Variants in TRIO observed in about 807,000 individuals in gnomAD.
The protein encoded by TRIO is triple functional domain protein.
Under a neutral mutation model 351.9 loss-of-function variants are expected in TRIO, and 58 were observed. The observed-to-expected ratio is 0.16, with a 90% CI of 0.13 to 0.21. The LOEUF (loss-of-function observed/expected upper bound fraction) is 0.21. Ranked by LOEUF, TRIO falls within the 10% of genes least tolerant of loss-of-function variation. TRIO has a pLI of 1.00. For missense variants in TRIO, 3,201 were observed against 4,027.8 expected, an observed-to-expected ratio of 0.79 and a Z score of 5.56; for synonymous variants, 1,758 against 1,595.7, an observed-to-expected ratio of 1.10 and a Z score of -2.42.
chr5:14,338,345 G>A (rs1366531373), intron 11 of TRIO, among the ~76,000 whole-genome samples: 8 of 152,164 alleles, frequency 5.3e-5, no homozygotes, highest in Admixed American at 3.3e-4. Context: ...GTCTTGTGCT[G>A]TGTCCTCCTC....
In TRIO at chr5:14,396,002, C is replaced by T. The variant is rs995951072; in HGVS notation, c.4312-1041C>T. On this transcript the variant is annotated intron_variant, in intron 28 of 56. Coordinates refer to ENST00000344204, the MANE Select transcript of TRIO (RefSeq NM_007118.4). ...CAGAGCTTGCAGTGAGCCGAGATCA[C>T]GCCATTGCACTCCAGCCTGGGCGAC... 1.1e-4 allele frequency among the ~76,000 whole-genome samples: 16 copies of T among 145,174 alleles called. No homozygotes were observed. In the East Asian group the frequency reaches 1.2e-3, roughly 11 times the overall value.
At chr5:14,351,494 A>G (rs1433459082) in intron 11 of TRIO, among the ~76,000 whole-genome samples, 1 of 152,196 alleles carries the variant, frequency 6.6e-6, no homozygotes, top group Non-Finnish European at 1.5e-5. Flanking sequence ...ACAAGTACCC[A>G]GATGATTGTC....
At chr5:14,435,918 T>C (rs963460198) in intron 34 of TRIO, among the ~76,000 whole-genome samples, 1 of 152,182 alleles carries the variant, frequency 6.6e-6, no homozygotes, top group South Asian at 2.1e-4. Flanking sequence ...TCCTGGTCCG[T>C]TTTGTTGGAG....
chr5:14,506,401 GT>G (rs1757689714), intron 55 of TRIO, among the ~76,000 whole-genome samples: 1 of 152,238 alleles, frequency 6.6e-6, no homozygotes. Flanking sequence ...ATAGGCCGGT[GT>G]TGAGAGAGGT....
At chr5:14,365,691 G>A (rs1744534723) in intron 15 of TRIO, among the ~76,000 whole-genome samples, 1 of 152,188 alleles carries the variant, frequency 6.6e-6, no homozygotes, top group South Asian at 2.1e-4. Flanking sequence ...CTAAAACAGA[G>A]ACTAAAAAAT....
intron 21 of TRIO, among the ~76,000 whole-genome samples, chr5:14,386,395 A>G (rs1746545156): frequency 6.6e-6 from 1 of 152,172 alleles, no homozygotes; most frequent in African/African-American, 2.4e-5. Flanking sequence ...AGCTGACTTC[A>G]CAGGTTACCC....
chr5:14,481,492 T>A, intron 44 of TRIO, 49 bp from the exon 45 acceptor site: 1 of 1,606,110 alleles, frequency 6.2e-7, no homozygotes, highest in Non-Finnish European at 8.5e-7. Context: ...CACGTCAGAT[T>A]TTCCCTAGAG....
At chr5:14,195,361 G>A (rs937208329) in intron 1 of TRIO, among the ~76,000 whole-genome samples, 22 of 152,148 alleles carry the variant, frequency 1.4e-4, no homozygotes, top group Admixed American at 3.9e-4. Flanking sequence ...ACTACTGAAG[G>A]GTGGTATTGT....
chr5:14,381,146 A>G lies in TRIO; in HGVS notation c.3464A>G (p.His1155Arg). The change falls in exon 21 of 57, where the codon CAT becomes CGT. Residue 1155 changes from histidine (H) to arginine (R), a missense_variant. Transcript: ENST00000344204. Reference sequence around the variant, plus strand: ...CCCTTCCAGGCTTTGGAATGGATCCATGACAATGGCGAGTTCTACCTTTCC... The same window carrying G: ...CCCTTCCAGGCTTTGGAATGGATCCGTGACAATGGCGAGTTCTACCTTTCC... ...RSAKQALEWI[H>R]DNGEFYLSTH... The G allele has an allele frequency of 6.2e-7, 1 of 1,614,062 alleles. No individual in the cohort carries two copies. Among genetic ancestry groups the G allele is most frequent in the South Asian group, 1.1e-5 (1 of 91,064 alleles).
chr5:14,226,795 A>G (rs933198691), intron 1 of TRIO, among the ~76,000 whole-genome samples: 6 of 138,012 alleles, frequency 4.3e-5, no homozygotes, highest in African/African-American at 1.3e-4. Flanking sequence ...GAGTGTTTCC[A>G]TATCTTCCCA....
intron 1 of TRIO, among the ~76,000 whole-genome samples, chr5:14,154,451 C>G (rs1459325801): frequency 6.6e-6 from 1 of 152,116 alleles, no homozygotes; most frequent in Non-Finnish European, 1.5e-5. Flanking sequence ...GTTGTAGCCA[C>G]TCATTTTTTT....
intron 8 of TRIO, among the ~76,000 whole-genome samples, chr5:14,305,089 T>A (rs553683462): frequency 1.3e-5 from 2 of 152,230 alleles, no homozygotes; most frequent in Non-Finnish European, 2.9e-5. Context: ...TATGCCAGAC[T>A]GTATTGTAAG....
At chr5:14,191,808 G>A (rs1030758230) in intron 1 of TRIO, among the ~76,000 whole-genome samples, 2 of 152,174 alleles carry the variant, frequency 1.3e-5, no homozygotes, top group Non-Finnish European at 2.9e-5. Flanking sequence ...ACTTCTTGTG[G>A]TTCTTAATAA....
chr5:14,302,626 A>G lies in TRIO; in HGVS notation c.1369-1835A>G, dbSNP rs1217714410. Among the ~76,000 whole-genome samples, 3 of 152,370 alleles carry G rather than the reference A, an allele frequency of 2.0e-5. No homozygotes were observed. In the East Asian group the frequency reaches 5.8e-4, roughly 29 times the overall value. On this transcript the variant is annotated intron_variant, in intron 7 of 56. Coordinates refer to ENST00000344204, the MANE Select transcript of TRIO (RefSeq NM_007118.4). ...TAGATATTTTTCTGCACTCAACAAT[A>G]AAAGGATTTCCATAAACAGTTATTA...
chr5:14,487,637 C>G lies in TRIO; in HGVS notation c.7009C>G (p.Arg2337Gly). ...CGGAPSTSRS[R>G]PSRIPQPVRH... ...CGGCGCCCCCAGCACGAGCAGGAGC[C>G]GGCCCTCCCGGATCCCCCAGCCTGT... Residue 2337 changes from arginine (R) to glycine (G), a missense_variant, in exon 48 of 57, where the codon CGG becomes GGG. By Grantham distance (125) the Arg-to-Gly change is moderately radical. Transcript: ENST00000344204. 1 of 1,245,058 alleles carries G rather than the reference C, an allele frequency of 8.0e-7. No homozygotes were observed. Among genetic ancestry groups the G allele is most frequent in the Non-Finnish European group, 1.0e-6 (1 of 982,958 alleles). 77.1% of individuals were successfully genotyped at this position (1,245,058 alleles called of 1,614,324 possible). A position where few individuals can be genotyped will look rare whatever the true frequency, so the allele number is the denominator to read the frequency against.
chr5:14,381,578 T>G (rs1361969083), intron 21 of TRIO, among the ~76,000 whole-genome samples: 2 of 152,240 alleles, frequency 1.3e-5, no homozygotes, highest in East Asian at 3.9e-4. Context: ...GCTATTTTTA[T>G]GAAACACTAT....
chr5:14,246,732 A>G (rs1415064507), intron 1 of TRIO, among the ~76,000 whole-genome samples: 1 of 152,178 alleles, frequency 6.6e-6, no homozygotes. Context: ...GGGACAAGGA[A>G]GAAGGAAAAG....
rs1756171114 is a variant in TRIO at position 14,488,267 on chromosome 5, G to T, written c.7632+7G>T. On this transcript the variant is annotated splice_region_variant and intron_variant, in intron 48 of 56. Coordinates refer to ENST00000344204, the MANE Select transcript of TRIO (RefSeq NM_007118.4). ...GTCCACCCAGAGCAACGGGGTAAGC[G>T]CGTCGGGGGGCCCGCGCCCTCCCGC... The T allele has an allele frequency of 6.5e-7, 1 of 1,550,224 alleles. No individual in the cohort carries two copies. The highest frequency in any genetic ancestry group is 1.7e-4 in the Middle Eastern group (1 of 5,982).
intron 37 of TRIO, among the ~76,000 whole-genome samples, chr5:14,469,662 C>A (rs182391541): frequency 6.6e-6 from 1 of 152,330 alleles, no homozygotes; most frequent in East Asian, 1.9e-4. Context: ...CACATGAAGG[C>A]GATAAGGACG....
Sources: gnomAD v4.1 joint callset for allele counts (sites outside exome capture counted in the v4.1 genomes callset) on GRCh38, gnomAD v4.1.1 for gene constraint, MANE v1.5 for transcripts, NCBI Gene and HGNC (gene_info 2026-07-23, HGNC 2026-07-21) for gene names.